Variants in LHPP observed in about 807,000 individuals in gnomAD.
LHPP encodes hLHPP.
LHPP carries 24 observed loss-of-function variants against 30.3 expected under a neutral mutation model. The ratio of observed to expected loss-of-function variants is 0.79; its 90% CI spans 0.57 to 1.11. The LOEUF is 1.11. Ranked by LOEUF, LHPP falls within the 50% of genes most tolerant of loss-of-function variation. The pLI is 0.00. For synonymous variants in LHPP, 150 were observed against 157.1 expected, an observed-to-expected ratio of 0.95 and a Z score of 0.34; for missense variants, 356 against 367.2, an observed-to-expected ratio of 0.97 and a Z score of 0.25.
intron 6 of LHPP, among the ~76,000 whole-genome samples, chr10:124,548,441 T>C (rs536172287): frequency 5.9e-5 from 9 of 152,340 alleles, no homozygotes; most frequent in Admixed American, 2.6e-4. Context: ...TTTGCTCTAC[T>C]GATTTTTGTC....
chr10:124,510,432 T>A lies in LHPP; in HGVS notation c.625-6748T>A, dbSNP rs1269984286. Reference sequence around the variant, plus strand: ...TCCCGGCCCCCAGCCTCCGCCTCCCTCGCCGACAGCTTCCCGGGGCTCTGC... The same window carrying A: ...TCCCGGCCCCCAGCCTCCGCCTCCCACGCCGACAGCTTCCCGGGGCTCTGC... On this transcript the variant is annotated intron_variant, in intron 5 of 6. Coordinates refer to ENST00000368842, the MANE Select transcript of LHPP (RefSeq NM_022126.4). This position sits in a 1 kb window ranked among gnomAD's most constrained non-coding sequence, Gnocchi z 4.0. Among the ~76,000 whole-genome samples the A allele has an allele frequency of 6.6e-6, 1 of 152,112 alleles. No individual in the cohort carries two copies. The highest frequency in any genetic ancestry group is 6.5e-5 in the Admixed American group (1 of 15,284).
At chr10:124,553,965 C>G in intron 6 of LHPP, 13 of 985,426 alleles carry the variant, frequency 1.3e-5, no homozygotes, top group Non-Finnish European at 1.4e-5. Flanking sequence ...CTTGCGGCAC[C>G]ATGCTCTGGG....
intron 6 of LHPP, among the ~76,000 whole-genome samples, chr10:124,589,303 G>T (rs1948847179): frequency 1.3e-5 from 2 of 152,234 alleles, no homozygotes; most frequent in East Asian, 1.9e-4. Flanking sequence ...TGCACCGCAG[G>T]TCCTAATTCC....
chr10:124,520,426 G>A (rs1022172664), intron 6 of LHPP, among the ~76,000 whole-genome samples: 1 of 151,996 alleles, frequency 6.6e-6, no homozygotes, highest in Non-Finnish European at 1.5e-5. Flanking sequence ...GGGAGCACGT[G>A]CGGCCACTAC....
chr10:124,469,125 G>A (rs1456506936), intron 1 of LHPP, among the ~76,000 whole-genome samples: 1 of 152,104 alleles, frequency 6.6e-6, no homozygotes, highest in Non-Finnish European at 1.5e-5. Flanking sequence ...CTGCTTTGAA[G>A]TCCTGCAGGA....
chr10:124,598,987 A>G (rs1948988341), intron 6 of LHPP, among the ~76,000 whole-genome samples: 1 of 132,732 alleles, frequency 7.5e-6, no homozygotes, highest in Non-Finnish European at 1.6e-5. Flanking sequence ...ATCTCCATCT[A>G]TCCATCTCTG....
chr10:124,547,043 G>GCC (rs1554890360), intron 6 of LHPP, among the ~76,000 whole-genome samples: 1 of 151,518 alleles, frequency 6.6e-6, no homozygotes, highest in African/African-American at 2.4e-5. Flanking sequence ...GCACACGCGC[G>GCC]CACACACACA....
chr10:124,470,753 G>A (rs139785777), intron 1 of LHPP, among the ~76,000 whole-genome samples: 67 of 152,230 alleles, frequency 4.4e-4, no homozygotes, highest in Admixed American at 1.8e-3. Flanking sequence ...CCCCACACGC[G>A]GTGTGGCACC....
intron 6 of LHPP, chr10:124,526,093 C>T: frequency 1.2e-6 from 1 of 806,710 alleles, no homozygotes; most frequent in Non-Finnish European, 1.5e-6. Context: ...CTGGAAGGCG[C>T]TGGAGTGGTG....
intron 6 of LHPP, among the ~76,000 whole-genome samples, chr10:124,599,597 G>A (rs1264430154): frequency 6.6e-6 from 1 of 152,246 alleles, no homozygotes; most frequent in African/African-American, 2.4e-5. Context: ...CTGGCTATGG[G>A]AGGCCCAAGT....
Position 124,541,249 on chromosome 10 carries a change from G to A in LHPP, c.716+23978G>A, listed in dbSNP as rs899344259. Among the ~76,000 whole-genome samples the A allele has an allele frequency of 1.3e-5, 2 of 152,192 alleles. No homozygotes were observed. The highest frequency in any genetic ancestry group is 1.5e-5 in the Non-Finnish European group (1 of 68,036). On this transcript the variant is annotated intron_variant, in intron 6 of 6. Transcript: ENST00000368842. This position sits in a 1 kb window ranked among gnomAD's most constrained non-coding sequence, Gnocchi z 4.2. ...CACACTGTGCTTGGGGGACACAGCC[G>A]ACACGACCAGCCTGCAGTACCAGGA...
intron 6 of LHPP, among the ~76,000 whole-genome samples, chr10:124,605,942 C>A (rs941145413): frequency 2.0e-5 from 3 of 152,074 alleles, no homozygotes; most frequent in South Asian, 2.1e-4. Flanking sequence ...TAAGGCCAGC[C>A]TCCTGGTCCT....
intron 6 of LHPP, among the ~76,000 whole-genome samples, chr10:124,581,619 C>G (rs58925115): frequency 0.046 from 7,068 of 152,230 alleles, 201 homozygotes; most frequent in East Asian, 0.13. Flanking sequence ...GAAGTACTAT[C>G]TCATTCAGAT....
intron 6 of LHPP, among the ~76,000 whole-genome samples, chr10:124,565,125 G>GC (rs1948467363): frequency 6.6e-6 from 1 of 152,052 alleles, no homozygotes; most frequent in Non-Finnish European, 1.5e-5. Context: ...AATAAGTGAG[G>GC]CCCCCCTGAG....
intron 1 of LHPP, among the ~76,000 whole-genome samples, chr10:124,462,609 A>G (rs1192164491): frequency 6.6e-6 from 1 of 152,222 alleles, no homozygotes; most frequent in Non-Finnish European, 1.5e-5. Context: ...AAAACCCCCA[A>G]AAACACCAGA....
intron 6 of LHPP, among the ~76,000 whole-genome samples, chr10:124,587,605 TG>T (rs549281868): frequency 6.6e-6 from 1 of 151,410 alleles, no homozygotes; most frequent in East Asian, 2.0e-4. Context: ...CCAGGCATGG[TG>T]GCACACTCCT....
At chr10:124,588,031 G>A (rs1489546695) in intron 6 of LHPP, among the ~76,000 whole-genome samples, 3 of 152,188 alleles carry the variant, frequency 2.0e-5, no homozygotes, top group Admixed American at 6.5e-5. Flanking sequence ...CAGCTTTGAC[G>A]GACAGCCCCA....
rs1948745865 is a variant in LHPP at position 124,581,776 on chromosome 10, C to A, written c.717-31488C>A. ...ACATACATATATGTATATACACACACACACACACACACATTTTTTCTTTTT... is the reference window on the plus strand; with the variant it reads ...ACATACATATATGTATATACACACAAACACACACACACATTTTTTCTTTTT... On this transcript the variant is annotated intron_variant, in intron 6 of 6. Coordinates refer to ENST00000368842, the MANE Select transcript of LHPP (RefSeq NM_022126.4). 2.0e-5 allele frequency among the ~76,000 whole-genome samples: 3 copies of A among 150,546 alleles called. No homozygotes were observed. In the South Asian group the frequency reaches 6.3e-4, roughly 32 times the overall value.
At chr10:124,466,345 C>A (rs1310511081) in intron 1 of LHPP, among the ~76,000 whole-genome samples, 2 of 152,196 alleles carry the variant, frequency 1.3e-5, no homozygotes, top group African/African-American at 2.4e-5. Flanking sequence ...TGGAAGGACG[C>A]AGGCTGCTTC....
Sources: gnomAD v4.1 joint callset for allele counts (sites outside exome capture counted in the v4.1 genomes callset) on GRCh38, gnomAD v4.1.1 for gene constraint, Gnocchi (gnomAD v3.1) non-coding constraint, MANE v1.5 for transcripts, NCBI Gene and HGNC (gene_info 2026-07-23, HGNC 2026-07-21) for gene names.